KAZN: variants seen among roughly 807,000 people sequenced by gnomAD.
KAZN encodes kazrin, periplakin interacting protein.
A neutral mutation model predicts 87.4 loss-of-function variants in KAZN; 40 were observed. The ratio of observed to expected loss-of-function variants is 0.46; its 90% CI spans 0.36 to 0.60. The LOEUF (loss-of-function observed/expected upper bound fraction) is 0.60. KAZN is among the 20% of genes least tolerant of loss of function. The pLI is 0.00. For missense variants in KAZN, 898 were observed against 1,073.9 expected (o/e 0.84, Z 2.29); for synonymous variants, 466 against 458.3 (o/e 1.02, Z -0.22).
At chr1:15,108,341 G>A (rs986701013) in intron 13 of KAZN, among the ~76,000 whole-genome samples, 1 of 152,242 alleles carries the variant, frequency 6.6e-6, no homozygotes, top group Non-Finnish European at 1.5e-5. Context: ...GGTCAGCTGA[G>A]TGCCCAGAGG....
rs560185282 is a variant in KAZN, at chr1:14,230,236, GTT to G, written c.249+49646_249+49647del. Among the ~76,000 whole-genome samples the G allele has an allele frequency of 2.6e-4, 40 of 152,360 alleles. No homozygotes were observed. The South Asian group carries it at 7.9e-3, about 30-fold the overall frequency. ...CAAGACAAAGGTGAACATAATCAGA[GTT>G]TGGTCTGAGTTACATAAAATTTCCA... On this transcript the variant is annotated intron_variant, in intron 2 of 16. Transcript: ENST00000636203.
At chr1:15,023,165 CA>C (rs1670857151) in intron 2 of KAZN, among the ~76,000 whole-genome samples, 1 of 152,172 alleles carries the variant, frequency 6.6e-6, no homozygotes, top group Non-Finnish European at 1.5e-5. Flanking sequence ...TCACGCTTAG[CA>C]TGAGCTGTGG....
chr1:14,376,477 A>T (rs1157873929), intron 2 of KAZN, among the ~76,000 whole-genome samples: 2 of 151,718 alleles, frequency 1.3e-5, no homozygotes, highest in Admixed American at 1.3e-4. Flanking sequence ...TCTCAATCTC[A>T]CTCTCTCTTG....
chr1:15,056,046 C>A lies in KAZN; in HGVS notation c.727-45C>A. On this transcript the variant is annotated intron_variant, in intron 4 of 14. Coordinates refer to ENST00000376030, the MANE Select transcript of KAZN (RefSeq NM_201628.3). The surrounding 1 kb of genome is among the most constrained non-coding windows in gnomAD (Gnocchi z 5.4). ...GGTGCCAAGCAGCTGGCCAAGAGTT[C>A]CCCTTGATCATGACTTCTTCTTCCT... is the stretch of plus-strand genomic sequence containing the variant. 6.4e-7 allele frequency: 1 copy of A among 1,556,340 alleles called. No homozygotes were observed. Among genetic ancestry groups the A allele is most frequent in the South Asian group, 1.2e-5 (1 of 85,034 alleles).
At chr1:14,420,786 G>A (rs965435743) in intron 2 of KAZN, among the ~76,000 whole-genome samples, 17 of 152,092 alleles carry the variant, frequency 1.1e-4, no homozygotes, top group African/African-American at 3.4e-4. Flanking sequence ...GGCACCAGCC[G>A]GCCACTCCCG....
chr1:13,926,529 G>T (rs1248202274), intron 1 of KAZN, among the ~76,000 whole-genome samples: 2 of 151,998 alleles, frequency 1.3e-5, no homozygotes, highest in Admixed American at 6.6e-5. Flanking sequence ...TTGCACAAAG[G>T]CATGTACACG....
At chr1:14,441,953 T>G (rs916128378) in intron 2 of KAZN, among the ~76,000 whole-genome samples, 3 of 152,104 alleles carry the variant, frequency 2.0e-5, no homozygotes. Context: ...CCTAAGAAAT[T>G]GAGAGACTAC....
In KAZN at chr1:15,060,152, C is replaced by T; in HGVS notation, c.917-20C>T. On this transcript the variant is annotated intron_variant, in intron 5 of 14. Coordinates refer to ENST00000376030, the MANE Select transcript of KAZN (RefSeq NM_201628.3). ...GACGTTCTCTCCATCCCTCACTCAC[C>T]AGCTGTCCCTGCTTTCCAGCGGTCA... 1 of 1,613,932 alleles carries T rather than the reference C, an allele frequency of 6.2e-7. No individual in the cohort carries two copies. The highest frequency in any genetic ancestry group is 8.5e-7 in the Non-Finnish European group (1 of 1,179,868).
intron 1 of KAZN, among the ~76,000 whole-genome samples, chr1:13,982,928 G>C (rs907562645): frequency 2.6e-5 from 4 of 151,940 alleles, no homozygotes; most frequent in African/African-American, 9.7e-5. Context: ...AGAGCAGCTA[G>C]ATACAGTCTC....
chr1:14,675,613 CT>C (rs1197737532), intron 1 of KAZN, among the ~76,000 whole-genome samples: 4 of 152,110 alleles, frequency 2.6e-5, no homozygotes, highest in African/African-American at 9.7e-5. Flanking sequence ...CCTGTTTTCT[CT>C]TTTTTGGCAT....
rs535109602 is a variant in KAZN at position 14,648,182 on chromosome 1, C to T, written c.226+48959C>T. Reference sequence around the variant, plus strand: ...AGAATGATCACATTTATGTAAAGATCGCAACCAAGAAATTGCACACAAAAT... The same window carrying T: ...AGAATGATCACATTTATGTAAAGATTGCAACCAAGAAATTGCACACAAAAT... On this transcript the variant is annotated intron_variant, in intron 1 of 14. Transcript: ENST00000376030. 1.3e-4 allele frequency among the ~76,000 whole-genome samples: 20 copies of T among 152,264 alleles called. No homozygotes were observed. In the East Asian group the frequency reaches 2.5e-3, roughly 19 times the overall value.
In KAZN at chr1:14,734,590, G is replaced by A. The variant is rs553861643; in HGVS notation, c.226+135367G>A. On this transcript the variant is annotated intron_variant, in intron 1 of 14. Transcript: ENST00000376030. ...GGCCTCCCAAAGTGCTGGGATTACA[G>A]GCCTAAGCCACCACACCCGGTTGAG... Among the ~76,000 whole-genome samples the A allele has an allele frequency of 2.6e-5, 4 of 152,312 alleles. No individual in the cohort carries two copies. In the South Asian group the frequency reaches 8.3e-4, roughly 32 times the overall value.
At chr1:14,431,891 A>G (rs1216284357) in intron 2 of KAZN, among the ~76,000 whole-genome samples, 1 of 152,158 alleles carries the variant, frequency 6.6e-6, no homozygotes. Flanking sequence ...TCTCTTCCCC[A>G]GCTTGCAGAC....
intron 1 of KAZN, among the ~76,000 whole-genome samples, chr1:14,701,010 G>A (rs1053901849): frequency 5.3e-5 from 8 of 152,218 alleles, no homozygotes; most frequent in South Asian, 2.1e-4. Context: ...TGAAGAAGCC[G>A]GAGAAGATTT....
intron 1 of KAZN, among the ~76,000 whole-genome samples, chr1:13,926,673 C>A (rs1251200126): frequency 6.6e-6 from 1 of 151,320 alleles, no homozygotes; most frequent in Non-Finnish European, 1.5e-5. Context: ...AAAAAATCTC[C>A]TGGGAACTTC....
chr1:14,554,662 C>T (rs67776503), intron 2 of KAZN, among the ~76,000 whole-genome samples: 25,884 of 152,078 alleles, frequency 0.17, 2,196 homozygotes, highest in Admixed American at 0.2. Flanking sequence ...GATATTAATC[C>T]GGTACTTGAC....
chr1:14,956,565 C>T (rs1663136046), intron 1 of KAZN, among the ~76,000 whole-genome samples: 1 of 151,274 alleles, frequency 6.6e-6, no homozygotes, highest in African/African-American at 2.4e-5. Flanking sequence ...GAGATCGTGC[C>T]ATTGCACTCC....
intron 1 of KAZN, among the ~76,000 whole-genome samples, chr1:13,901,182 C>T (rs187234698): frequency 6.6e-6 from 1 of 152,322 alleles, no homozygotes; most frequent in East Asian, 1.9e-4. Context: ...AAGAAGGGCC[C>T]TCATTGGACC....
intron 4 of KAZN, among the ~76,000 whole-genome samples, chr1:15,051,419 C>T (rs1194715819): frequency 1.3e-5 from 2 of 152,220 alleles, no homozygotes; most frequent in Admixed American, 6.5e-5. Context: ...TCAGGGAGCG[C>T]ATAAGTAATC....
Sources: gnomAD v4.1 joint callset for allele counts (sites outside exome capture counted in the v4.1 genomes callset) on GRCh38, gnomAD v4.1.1 for gene constraint, Gnocchi (gnomAD v3.1) non-coding constraint, MANE v1.5 for transcripts, NCBI Gene and HGNC (gene_info 2026-07-23, HGNC 2026-07-21) for gene names.